The following SYNJ2BP variants were observed in gnomAD, a reference collection of about 807,000 sequenced individuals.
The protein encoded by SYNJ2BP is synaptojanin 2 binding protein.
In SYNJ2BP, 10 loss-of-function variants were observed where a neutral mutation model predicts 16.9. That is an observed-to-expected ratio of 0.59 (90% confidence interval 0.36 to 1.00). The LOEUF (loss-of-function observed/expected upper bound fraction) is 1.00, where lower values mean the gene tolerates loss of function less well. Among genes scored for constraint, SYNJ2BP ranks in the 50% least tolerant of loss-of-function variants. SYNJ2BP has a pLI of 0.01. For missense variants in SYNJ2BP, 162 were observed against 186.7 expected (o/e 0.87, Z 0.77); for synonymous variants, 54 against 68.4 (o/e 0.79, Z 1.04).
chr14:70,386,746 C>G (rs1310875125), intron 2 of SYNJ2BP, among the ~76,000 whole-genome samples: 1 of 152,212 alleles, frequency 6.6e-6, no homozygotes, highest in Non-Finnish European at 1.5e-5. Flanking sequence ...CAAGAGATTT[C>G]ACACATATGA....
chr14:70,392,502 A>T (rs1424576065), intron 1 of SYNJ2BP, among the ~76,000 whole-genome samples: 1 of 152,216 alleles, frequency 6.6e-6, no homozygotes, highest in Admixed American at 6.5e-5. Context: ...TACGAAAAAA[A>T]ATCTTCATAA....
At chr14:70,382,267 T>C (rs1887768183) in intron 2 of SYNJ2BP, among the ~76,000 whole-genome samples, 1 of 152,146 alleles carries the variant, frequency 6.6e-6, no homozygotes, top group Non-Finnish European at 1.5e-5. Context: ...AAAAGTTGTT[T>C]ATTTTTTAAA....
chr14:70,380,532 C>G (rs1191315292), intron 2 of SYNJ2BP, among the ~76,000 whole-genome samples: 1 of 151,714 alleles, frequency 6.6e-6, no homozygotes, highest in Non-Finnish European at 1.5e-5. Context: ...CGTGGTGGCG[C>G]ACACCTGTAG....
rs1384806508 is a variant in SYNJ2BP at position 70,368,379 on chromosome 14, A to AT, written c.*4611dup. The AT allele has an allele frequency of 6.6e-6, 1 of 152,248 alleles. No individual in the cohort carries two copies. The allele number at this position is 152,248 out of a possible 1,614,324, so 9.4% of individuals were successfully genotyped here. A position where few individuals can be genotyped will look rare whatever the true frequency, so the allele number is the denominator to read the frequency against. ...TAGTCTGTGTATTCATGTAGTGAAT[A>AT]TATTCAAGACATAAATATGAGACAG... On this transcript the variant is annotated 3_prime_UTR_variant, in exon 4 of 4. Transcript: ENST00000256366.
chr14:70,408,277 C>T (rs77699051), intron 1 of SYNJ2BP, among the ~76,000 whole-genome samples: 3,402 of 152,146 alleles, frequency 0.022, 114 homozygotes, highest in African/African-American at 0.077. Context: ...AAGTCTACTC[C>T]CCACATAGCA....
intron 1 of SYNJ2BP, 54 bp from the exon 2 acceptor site, chr14:70,388,660 TTA>T: frequency 7.0e-7 from 1 of 1,426,796 alleles, no homozygotes; most frequent in Non-Finnish European, 9.2e-7. Flanking sequence ...AAGAAAGAGA[TTA>T]GAGAAGATGA....
chr14:70,416,842 T>C (rs1055914142), intron 1 of SYNJ2BP, 58 bp downstream of exon 1: 15 of 1,609,704 alleles, frequency 9.3e-6, no homozygotes, highest in Non-Finnish European at 1.3e-5. Context: ...GCAGCAGAGG[T>C]GTCTGCAATT....
intron 2 of SYNJ2BP, among the ~76,000 whole-genome samples, chr14:70,381,893 C>A (rs1887757672): frequency 6.6e-6 from 1 of 152,202 alleles, no homozygotes; most frequent in South Asian, 2.1e-4. Context: ...CTTTTCCATT[C>A]ACTGGAGTAG....
intron 1 of SYNJ2BP, among the ~76,000 whole-genome samples, chr14:70,411,425 G>A (rs1888470146): frequency 6.6e-6 from 1 of 152,172 alleles, no homozygotes; most frequent in African/African-American, 2.4e-5. Flanking sequence ...TGGCTAGGAA[G>A]TAGAAAGAAT....
At chr14:70,388,851 T>C (rs1350155159) in intron 1 of SYNJ2BP, among the ~76,000 whole-genome samples, 1 of 152,080 alleles carries the variant, frequency 6.6e-6, no homozygotes, top group Non-Finnish European at 1.5e-5. Flanking sequence ...CCACCTGTTT[T>C]GTTCAATATA....
In SYNJ2BP at chr14:70,378,424, CTT is replaced by C. The variant is rs34309608; in HGVS notation, c.202-2655_202-2654del. Among the ~76,000 whole-genome samples the C allele has an allele frequency of 8.5e-4, 94 of 110,112 alleles. No homozygotes were observed. The South Asian group carries it at 8.6e-3, about 10-fold the overall frequency. 72.2% of individuals were successfully genotyped at this position (110,112 alleles called of 152,430 possible). ...TTATTGCCACTATCATTCCTTCAAA[CTT>C]TTTTTTTTTTTTTTTTTTTTGAGAC... is the stretch of plus-strand genomic sequence containing the variant. On this transcript the variant is annotated intron_variant, in intron 2 of 3. Coordinates refer to ENST00000256366, the MANE Select transcript of SYNJ2BP (RefSeq NM_018373.3).
At chr14:70,406,323 CCTAA>C (rs1242299350) in intron 1 of SYNJ2BP, among the ~76,000 whole-genome samples, 4 of 152,180 alleles carry the variant, frequency 2.6e-5, no homozygotes, top group Non-Finnish European at 5.9e-5. Context: ...AGAGATCTGA[CCTAA>C]CTGACTCCAT....
chr14:70,395,416 T>C (rs1308131688), intron 1 of SYNJ2BP, among the ~76,000 whole-genome samples: 3 of 152,180 alleles, frequency 2.0e-5, no homozygotes, highest in Non-Finnish European at 4.4e-5. Flanking sequence ...TCCCTTTTCT[T>C]TCCCAAGATC....
At chr14:70,394,301 G>C (rs911494425) in intron 1 of SYNJ2BP, among the ~76,000 whole-genome samples, 3 of 152,054 alleles carry the variant, frequency 2.0e-5, no homozygotes, top group African/African-American at 4.8e-5. Flanking sequence ...ATACAGGATA[G>C]AGTTTAGGTA....
intron 1 of SYNJ2BP, among the ~76,000 whole-genome samples, chr14:70,391,684 A>G (rs1192441827): frequency 2.0e-5 from 3 of 152,248 alleles, no homozygotes; most frequent in African/African-American, 7.2e-5. Flanking sequence ...GTAGTTAGCA[A>G]CAGAAAGGAC....
At chr14:70,376,078 A>G (rs1887623569) in intron 2 of SYNJ2BP, among the ~76,000 whole-genome samples, 1 of 152,172 alleles carries the variant, frequency 6.6e-6, no homozygotes, top group African/African-American at 2.4e-5. Context: ...CCGTATTAGC[A>G]TTTCTTCCAT....
At chr14:70,389,360 C>T (rs548032873) in intron 1 of SYNJ2BP, among the ~76,000 whole-genome samples, 1 of 146,820 alleles carries the variant, frequency 6.8e-6, no homozygotes, top group South Asian at 2.2e-4. Context: ...TTAGAAAAAT[C>T]TCTTGAGAGT....
At chr14:70,387,235 G>T (rs1432700131) in intron 2 of SYNJ2BP, among the ~76,000 whole-genome samples, 1 of 152,132 alleles carries the variant, frequency 6.6e-6, no homozygotes, top group Non-Finnish European at 1.5e-5. Context: ...CACTAGTCCT[G>T]AAGATTAATA....
chr14:70,407,720 T>G (rs1888378627), intron 1 of SYNJ2BP, among the ~76,000 whole-genome samples: 1 of 152,072 alleles, frequency 6.6e-6, no homozygotes, highest in Non-Finnish European at 1.5e-5. Context: ...TCTAGCCATC[T>G]TTGGACATTC....
Sources: allele counts gnomAD v4.1 joint callset (sites outside exome capture counted in the v4.1 genomes callset), GRCh38; gene constraint gnomAD v4.1.1; transcripts MANE v1.5; gene names NCBI Gene and HGNC (gene_info 2026-07-23, HGNC 2026-07-21).